The following MYO18B variants were observed in gnomAD, a reference collection of about 807,000 sequenced individuals.
MYO18B encodes unconventional myosin-XVIIIb.
In MYO18B, 204 loss-of-function variants were observed where a neutral mutation model predicts 273.0. The observed-to-expected ratio is 0.75, with a 90% CI of 0.67 to 0.84. MYO18B has a LOEUF of 0.84. Ranked by LOEUF, MYO18B falls within the 40% of genes least tolerant of loss-of-function variation. The pLI is 0.00. For missense variants in MYO18B, 3,212 were observed against 3,287.6 expected (o/e 0.98, Z 0.56); for synonymous variants, 1,330 against 1,305.7 (o/e 1.02, Z -0.40).
chr22:25,800,698 A>C (rs905135231), intron 12 of MYO18B, among the ~76,000 whole-genome samples: 18 of 152,326 alleles, frequency 1.2e-4, no homozygotes, highest in Admixed American at 1.1e-3. Flanking sequence ...TCCAGAGACT[A>C]AGGGGGAGCC....
At chr22:25,874,036 C>G (rs961641303) in intron 22 of MYO18B, among the ~76,000 whole-genome samples, 3 of 152,182 alleles carry the variant, frequency 2.0e-5, no homozygotes, top group African/African-American at 7.2e-5. Context: ...CCAACAAGCA[C>G]CCAGGTGGTG....
intron 15 of MYO18B, among the ~76,000 whole-genome samples, chr22:25,830,871 C>T (rs1259061482): frequency 6.6e-6 from 1 of 152,176 alleles, no homozygotes; most frequent in African/African-American, 2.4e-5. Context: ...ATCATTGTTA[C>T]CAGACTCCCC....
At chr22:25,891,535 A>G in intron 27 of MYO18B, 123 bp downstream of exon 27, 3 of 646,612 alleles carry the variant, frequency 4.6e-6, no homozygotes, top group Non-Finnish European at 8.3e-6. Flanking sequence ...CGACTTTGGC[A>G]GAGCAAACAG....
intron 10 of MYO18B, among the ~76,000 whole-genome samples, chr22:25,783,197 A>G (rs1468146205): frequency 6.6e-6 from 1 of 152,196 alleles, no homozygotes; most frequent in Non-Finnish European, 1.5e-5. Context: ...CCAGGCCCTG[A>G]CCAGGTCATC....
At position 25,916,889 on chromosome 22, in the gene MYO18B, G is replaced by A. The variant is rs565818771; in HGVS notation, c.5365-4368G>A. Among the ~76,000 whole-genome samples, 5 of 152,184 alleles carry A rather than the reference G, an allele frequency of 3.3e-5. No homozygotes were observed. The South Asian group carries it at 8.3e-4, about 25-fold the overall frequency. ...TCTGCTAAAAATATAAAAATTGGCC[G>A]GGTGTTGTGGCGGGCACCTGTAATC... On this transcript the variant is annotated intron_variant, in intron 33 of 43. Coordinates refer to ENST00000335473, the MANE Select transcript of MYO18B (RefSeq NM_032608.7).
intron 11 of MYO18B, among the ~76,000 whole-genome samples, chr22:25,786,860 C>T (rs989635940): frequency 2.0e-5 from 3 of 151,762 alleles, no homozygotes; most frequent in African/African-American, 4.8e-5. Context: ...ATGGAACATA[C>T]AAAAAAAATG....
intron 42 of MYO18B, among the ~76,000 whole-genome samples, chr22:26,020,883 G>A (rs1935758344): frequency 6.6e-6 from 1 of 152,160 alleles, no homozygotes; most frequent in African/African-American, 2.4e-5. Flanking sequence ...GAGGTCAGGA[G>A]TTGGAGACCA....
chr22:25,880,098 G>A (rs549607859), intron 25 of MYO18B, among the ~76,000 whole-genome samples: 15 of 152,232 alleles, frequency 9.9e-5, no homozygotes, highest in Non-Finnish European at 1.6e-4. Flanking sequence ...AGCAAGCCAC[G>A]GCTAGACCAA....
chr22:25,744,585 T>G (rs1241910356), intron 1 of MYO18B, among the ~76,000 whole-genome samples: 1 of 151,642 alleles, frequency 6.6e-6, no homozygotes, highest in Non-Finnish European at 1.5e-5. Flanking sequence ...CAAAAAAAAA[T>G]TAGCCGGGCG....
At chr22:25,997,159 C>G (rs948376359) in intron 40 of MYO18B, among the ~76,000 whole-genome samples, 1 of 151,772 alleles carries the variant, frequency 6.6e-6, no homozygotes, top group African/African-American at 2.4e-5. Flanking sequence ...CCTGTCTCTA[C>G]CCAAAATACA....
Position 25,886,423 on chromosome 22 carries a change from G to A in MYO18B, c.4315-4333G>A, listed in dbSNP as rs377115109. 1.1e-3 allele frequency among the ~76,000 whole-genome samples: 162 copies of A among 152,264 alleles called. 1 individual carries two copies. The highest frequency in any genetic ancestry group is 3.1e-3 in the South Asian group (15 of 4,824). On this transcript the variant is annotated intron_variant, in intron 25 of 43. Transcript: ENST00000335473. ...GAAGCCATGGCTTAATCTCCTTGACGAACATCCCACAAGCCAGCTGGTACT... is the reference window on the plus strand; with the variant it reads ...GAAGCCATGGCTTAATCTCCTTGACAAACATCCCACAAGCCAGCTGGTACT...
chr22:25,917,884 T>C (rs1041978023), intron 33 of MYO18B, among the ~76,000 whole-genome samples: 13 of 152,162 alleles, frequency 8.5e-5, no homozygotes, highest in Admixed American at 2.0e-4. Flanking sequence ...TTAATCATAA[T>C]TTTTTACTAA....
chr22:25,835,318 G>T lies in MYO18B; in HGVS notation c.3083G>T (p.Gly1028Val), dbSNP rs1416239788. The T allele has an allele frequency of 6.2e-7, 1 of 1,613,948 alleles. No individual in the cohort carries two copies. Residue 1028 changes from glycine (G) to valine (V), a missense_variant, in exon 17 of 44, where the codon GGT becomes GTT. Coordinates refer to ENST00000335473, the MANE Select transcript of MYO18B (RefSeq NM_032608.7). ...PSQVRLPAGGGAQDARGLFWV... is the reference protein window; with the variant it reads ...PSQVRLPAGGVAQDARGLFWV... ...CAGGTCCGCTTACCAGCTGGAGGAG[G>T]TGCCCAGGATGCCAGAGGCCTTTTC...
intron 3 of MYO18B, among the ~76,000 whole-genome samples, chr22:25,767,599 A>G (rs6004761): frequency 7.4e-4 from 113 of 152,290 alleles, no homozygotes; most frequent in African/African-American, 2.3e-3. Context: ...CAAGGTGAGA[A>G]CAGGTCCTCT....
chr22:25,759,950 G>T (rs540710324), intron 1 of MYO18B, among the ~76,000 whole-genome samples: 133 of 152,212 alleles, frequency 8.7e-4, no homozygotes, highest in South Asian at 3.7e-3. Flanking sequence ...GGGCTTTCTG[G>T]GTCAAAAGTT....
At chr22:25,854,398 C>T (rs1601360499) in intron 21 of MYO18B, among the ~76,000 whole-genome samples, 2 of 152,152 alleles carry the variant, frequency 1.3e-5, no homozygotes, top group Non-Finnish European at 2.9e-5. Context: ...CCTCATTTCA[C>T]AGCGTAGGCA....
intron 35 of MYO18B, among the ~76,000 whole-genome samples, chr22:25,947,237 C>T (rs959402123): frequency 2.6e-5 from 4 of 151,976 alleles, no homozygotes; most frequent in African/African-American, 9.7e-5. Context: ...ACCTGTGCCT[C>T]CAAGTTTATT....
intron 12 of MYO18B, among the ~76,000 whole-genome samples, chr22:25,814,662 C>T (rs1264770189): frequency 6.6e-6 from 1 of 152,072 alleles, no homozygotes; most frequent in Non-Finnish European, 1.5e-5. Flanking sequence ...AGTGATGGCT[C>T]AGTGAGAACT....
intron 40 of MYO18B, among the ~76,000 whole-genome samples, chr22:25,993,250 C>A (rs546596166): frequency 6.6e-6 from 1 of 152,226 alleles, no homozygotes; most frequent in Non-Finnish European, 1.5e-5. Context: ...GCATTCTGTT[C>A]CCAGGAGCTA....
Sources: gnomAD v4.1 joint callset for allele counts (sites outside exome capture counted in the v4.1 genomes callset) on GRCh38, gnomAD v4.1.1 for gene constraint, MANE v1.5 for transcripts, NCBI Gene and HGNC (gene_info 2026-07-23, HGNC 2026-07-21) for gene names.